ZNF831: variants seen among roughly 807,000 people sequenced by gnomAD.
ZNF831 encodes chromosome 20 open reading frame 174.
In ZNF831, 59 loss-of-function variants were observed where a neutral mutation model predicts 95.8. The ratio of observed to expected loss-of-function variants is 0.62; its 90% CI spans 0.50 to 0.77. ZNF831 has a LOEUF of 0.77. Ranked by LOEUF, ZNF831 falls within the 30% of genes least tolerant of loss-of-function variation. ZNF831 has a pLI of 0.00. For synonymous variants in ZNF831, 961 were observed against 925.5 expected, an observed-to-expected ratio of 1.04 and a Z score of -0.70; for missense variants, 2,205 against 2,164.0, an observed-to-expected ratio of 1.02 and a Z score of -0.38.
chr20:59,199,363 G>T (rs1026390236), intron 3 of ZNF831, among the ~76,000 whole-genome samples: 3 of 152,026 alleles, frequency 2.0e-5, no homozygotes, highest in Middle Eastern at 3.4e-3. Flanking sequence ...TTATTATGTT[G>T]TTTTATGTAT....
chr20:59,209,047 C>T (rs1985106969), intron 4 of ZNF831, among the ~76,000 whole-genome samples: 1 of 152,160 alleles, frequency 6.6e-6, no homozygotes, highest in Non-Finnish European at 1.5e-5. Context: ...AAATGTGGTA[C>T]AGGACAAAGA....
intron 1 of ZNF831, among the ~76,000 whole-genome samples, chr20:59,172,058 G>A (rs1030158971): frequency 7.2e-5 from 11 of 152,118 alleles, no homozygotes; most frequent in African/African-American, 2.7e-4. Flanking sequence ...TCAATCAAGG[G>A]CCTGTAGGTC....
intron 4 of ZNF831, among the ~76,000 whole-genome samples, chr20:59,230,331 G>T (rs1460026617): frequency 6.6e-6 from 1 of 152,112 alleles, no homozygotes; most frequent in Non-Finnish European, 1.5e-5. Flanking sequence ...AATTAGCTGG[G>T]CATGGTGGCG....
rs1983665801 is a variant in ZNF831, at chr20:59,192,485, C to G, written c.1466C>G (p.Pro489Arg). The change falls in exon 2 of 6, where the codon CCC becomes CGC. Residue 489 changes from proline to arginine, a missense_variant. Coordinates refer to ENST00000371030, the MANE Select transcript of ZNF831 (RefSeq NM_178457.3). This position sits in a 1 kb window ranked among gnomAD's most constrained non-coding sequence, Gnocchi z 5.2. Reference sequence around the variant, plus strand: ...CGGCCCCTCTTCTTCCACTCCGTCCCCACTCAGCTCTCCACCACCGTGGAA... The same window carrying G: ...CGGCCCCTCTTCTTCCACTCCGTCCGCACTCAGCTCTCCACCACCGTGGAA... ...KSRPLFFHSVPTQLSTTVECV... is the reference protein window; with the variant it reads ...KSRPLFFHSVRTQLSTTVECV... The G allele has an allele frequency of 6.3e-7, 1 of 1,575,084 alleles. No homozygotes were observed. The highest frequency in any genetic ancestry group is 8.6e-7 in the Non-Finnish European group (1 of 1,162,012).
chr20:59,146,141 C>T (rs375809251), intron 1 of ZNF831: 3 of 152,246 alleles, frequency 2.0e-5, no homozygotes, highest in African/African-American at 7.2e-5. Flanking sequence ...CACACCTACC[C>T]CCGGTGTCCC....
intron 4 of ZNF831, among the ~76,000 whole-genome samples, chr20:59,226,628 G>A (rs1986449070): frequency 6.6e-6 from 1 of 150,754 alleles, no homozygotes; most frequent in Admixed American, 6.6e-5. Flanking sequence ...AGAAGAAAAA[G>A]GCAAATTTCT....
chr20:59,206,470 A>G lies in ZNF831; in HGVS notation c.3876-435A>G, dbSNP rs111886415. The stretch of plus-strand genomic sequence containing the variant: ...TACAATTTAAGACTCAGTTTCTCAG[A>G]CACACTAACTACATTTCAAATGCAC... On this transcript the variant is annotated intron_variant, in intron 3 of 5. Coordinates refer to ENST00000371030, the MANE Select transcript of ZNF831 (RefSeq NM_178457.3). Among the ~76,000 whole-genome samples, 921 of 152,352 alleles carry G rather than the reference A, an allele frequency of 6.0e-3. 7 individuals are homozygous for G. Among genetic ancestry groups the G allele is most frequent in the Middle Eastern group, 0.037 (11 of 294 alleles).
At chr20:59,239,549 CT>C (rs10653584) in intron 4 of ZNF831, among the ~76,000 whole-genome samples, 172 of 127,404 alleles carry the variant, frequency 1.4e-3, no homozygotes, top group Middle Eastern at 8.0e-3. Context: ...TCTGTAAACA[CT>C]TTTTTTTTTT....
intron 1 of ZNF831, among the ~76,000 whole-genome samples, chr20:59,181,036 G>A (rs1982577029): frequency 6.6e-6 from 1 of 152,184 alleles, no homozygotes; most frequent in South Asian, 2.1e-4. Flanking sequence ...GTCAGCATGT[G>A]TTGTTTCCTG....
At chr20:59,187,456 T>C (rs1204179470) in intron 1 of ZNF831, among the ~76,000 whole-genome samples, 1 of 152,154 alleles carries the variant, frequency 6.6e-6, no homozygotes, top group Non-Finnish European at 1.5e-5. Context: ...TGTCTTGGAC[T>C]TAAACTTGAT....
At chr20:59,178,949 C>T (rs147319579) in intron 1 of ZNF831, among the ~76,000 whole-genome samples, 39 of 152,332 alleles carry the variant, frequency 2.6e-4, no homozygotes, top group African/African-American at 8.9e-4. Flanking sequence ...ATCAAATAAA[C>T]ACCCAGTCTC....
intron 1 of ZNF831, among the ~76,000 whole-genome samples, chr20:59,172,031 G>C (rs1400989893): frequency 1.3e-5 from 2 of 152,126 alleles, no homozygotes; most frequent in Non-Finnish European, 2.9e-5. Flanking sequence ...CCTTTTCAAG[G>C]GGACCTGGCT....
At chr20:59,245,321 T>C (rs1332693369) in intron 4 of ZNF831, among the ~76,000 whole-genome samples, 2 of 152,264 alleles carry the variant, frequency 1.3e-5, no homozygotes, top group African/African-American at 4.8e-5. Context: ...TCTGGTGAGC[T>C]GGACCCTCCG....
At chr20:59,196,043 C>T (rs1179942508) in intron 3 of ZNF831, 38 bp downstream of exon 3, 2 of 1,604,716 alleles carry the variant, frequency 1.2e-6, no homozygotes, top group South Asian at 1.1e-5. Flanking sequence ...TCCACAAAAC[C>T]CCAAGAAGAA....
intron 1 of ZNF831, among the ~76,000 whole-genome samples, chr20:59,138,792 A>G (rs1979588144): frequency 1.3e-5 from 2 of 152,248 alleles, no homozygotes; most frequent in Non-Finnish European, 2.9e-5. Flanking sequence ...TGAAGTATAA[A>G]GCAGAAACAA....
intron 1 of ZNF831, among the ~76,000 whole-genome samples, chr20:59,170,928 G>C (rs1480165416): frequency 6.6e-6 from 1 of 152,232 alleles, no homozygotes; most frequent in Admixed American, 6.5e-5. Flanking sequence ...AGAGACGTGG[G>C]TGTGTTATGG....
rs1468821225 is a variant in ZNF831 at position 59,193,507 on chromosome 20, C to G, written c.2488C>G (p.Leu830Val). Residue 830 changes from leucine to valine, a missense_variant, in exon 2 of 6, where the codon CTG (leucine) becomes GTG (valine). Physicochemically the swap from Leu to Val is conservative, Grantham distance 32. Coordinates refer to ENST00000371030, the MANE Select transcript of ZNF831 (RefSeq NM_178457.3). ...GAGGAAGAAGCTGAAAGTGGAGGAC[C>G]TGCACAGCTGGAAGCAACCAGAGCC... Reference protein sequence around the residue: ...SERKKLKVEDLHSWKQPEPVS... With the variant: ...SERKKLKVEDVHSWKQPEPVS... 1.2e-6 allele frequency: 2 copies of G among 1,610,222 alleles called. No homozygotes were observed. Among genetic ancestry groups the G allele is most frequent in the Non-Finnish European group, 1.7e-6 (2 of 1,178,230 alleles).
intron 1 of ZNF831, among the ~76,000 whole-genome samples, chr20:59,184,133 T>C (rs1982832077): frequency 6.6e-6 from 1 of 152,242 alleles, no homozygotes; most frequent in African/African-American, 2.4e-5. Flanking sequence ...AGACAAAGTC[T>C]TTTCAGATTG....
intron 1 of ZNF831, among the ~76,000 whole-genome samples, chr20:59,171,827 C>T (rs922655805): frequency 3.9e-5 from 6 of 152,146 alleles, no homozygotes; most frequent in Non-Finnish European, 8.8e-5. Context: ...TTTCTTCTTC[C>T]ACCACCCATT....
Sources: gnomAD v4.1 joint callset for allele counts (sites outside exome capture counted in the v4.1 genomes callset) on GRCh38, gnomAD v4.1.1 for gene constraint, Gnocchi (gnomAD v3.1) non-coding constraint, MANE v1.5 for transcripts, NCBI Gene and HGNC (gene_info 2026-07-23, HGNC 2026-07-21) for gene names.